VAV2: variants seen among roughly 807,000 people sequenced by gnomAD.
VAV2 encodes guanine nucleotide exchange factor VAV2.
In VAV2, 67 loss-of-function variants were observed where a neutral mutation model predicts 132.5. That is an observed-to-expected ratio of 0.51 (90% CI 0.42 to 0.62). VAV2 has a LOEUF of 0.62. Ranked by LOEUF, VAV2 falls within the 20% of genes least tolerant of loss-of-function variation. The probability of loss-of-function intolerance (pLI) is 0.00; values close to 1 mark genes in which losing one functional copy is unlikely to be tolerated. For synonymous variants in VAV2, 492 were observed against 443.5 expected, an observed-to-expected ratio of 1.11 and a Z score of -1.37; for missense variants, 938 against 1,153.6, an observed-to-expected ratio of 0.81 and a Z score of 2.71.
chr9:133,937,501 C>A (rs13284678), intron 2 of VAV2, among the ~76,000 whole-genome samples: 3 of 19,048 alleles, frequency 1.6e-4, no homozygotes, highest in Non-Finnish European at 4.8e-4. Context: ...AGAGTGTGTG[C>A]GTGTGAGTGT....
Position 133,783,597 on chromosome 9 carries a change from C to T in VAV2, c.1635-6G>A. 1 of 1,613,858 alleles carries T rather than the reference C, an allele frequency of 6.2e-7. No individual in the cohort carries two copies. Among genetic ancestry groups the T allele is most frequent in the African/African-American group, 1.3e-5 (1 of 75,006 alleles). ...ATCCCTGGTAGAAGGTGCCCCTGCACAGGGGAGGGCAGGAGGTGAGGTCGA... is the reference window on the plus strand; with the variant it reads ...ATCCCTGGTAGAAGGTGCCCCTGCATAGGGGAGGGCAGGAGGTGAGGTCGA... On this transcript the variant is annotated splice_region_variant and splice_polypyrimidine_tract_variant and intron_variant, in intron 18 of 29. Transcript: ENST00000371850.
In VAV2 at chr9:133,768,433, G is replaced by T. The variant is rs112576600; in HGVS notation, c.2589+9C>A. 7.3e-4 allele frequency: 1,169 copies of T among 1,611,446 alleles called. 12 individuals carry two copies. In the African/African-American group the frequency reaches 0.015, roughly 20 times the overall value. On this transcript the variant is annotated intron_variant, in intron 29 of 29. Transcript: ENST00000371850. This position sits in a 1 kb window ranked among gnomAD's most constrained non-coding sequence, Gnocchi z 5.3. ...GCCAGCCCCACACCCTCAGGGTGGG[G>T]CCACTCACCCGTCCGTTGGTCTCGC...
chr9:133,817,750 TC>T (rs1835618133), intron 4 of VAV2, among the ~76,000 whole-genome samples: 1 of 152,258 alleles, frequency 6.6e-6, no homozygotes, highest in Admixed American at 6.5e-5. Context: ...ATCGTGCTTT[TC>T]AGTTTTAGCA....
At chr9:133,956,473 G>A (rs900467452) in intron 1 of VAV2, among the ~76,000 whole-genome samples, 8 of 152,204 alleles carry the variant, frequency 5.3e-5, no homozygotes, top group East Asian at 1.9e-4. Context: ...GTTTTGTTTC[G>A]TTTTGTTTTT....
intron 2 of VAV2, among the ~76,000 whole-genome samples, chr9:133,877,308 T>C (rs886415493): frequency 6.6e-6 from 1 of 152,116 alleles, no homozygotes; most frequent in African/African-American, 2.4e-5. Flanking sequence ...CCCACAAAGC[T>C]GGGACCCACA....
At chr9:133,782,731 A>T (rs1223981608) in intron 19 of VAV2, among the ~76,000 whole-genome samples, 1 of 152,204 alleles carries the variant, frequency 6.6e-6, no homozygotes, top group East Asian at 1.9e-4. Context: ...GTTGAATAGA[A>T]GCTCTGCTAA....
intron 1 of VAV2, among the ~76,000 whole-genome samples, chr9:133,982,066 T>C (rs1207194364): frequency 6.6e-6 from 1 of 152,200 alleles, no homozygotes; most frequent in African/African-American, 2.4e-5. Context: ...CCAAGAGCCC[T>C]TGTCAGGGGA....
chr9:133,904,184 G>A (rs1416693096), intron 2 of VAV2, among the ~76,000 whole-genome samples: 2 of 152,286 alleles, frequency 1.3e-5, no homozygotes, highest in African/African-American at 2.4e-5. Context: ...CAGCCCAAGC[G>A]CCAGGCTCTC....
intron 2 of VAV2, among the ~76,000 whole-genome samples, chr9:133,866,867 G>A (rs899083109): frequency 6.6e-6 from 1 of 151,944 alleles, no homozygotes; most frequent in African/African-American, 2.4e-5. Flanking sequence ...ATGATGGGGT[G>A]GTGTCTGTTT....
chr9:133,875,105 C>T (rs1377093817), intron 2 of VAV2, among the ~76,000 whole-genome samples: 2 of 152,218 alleles, frequency 1.3e-5, no homozygotes, highest in Admixed American at 6.5e-5. Flanking sequence ...CCAGACTGAG[C>T]GCTTCACGGG....
At chr9:133,811,486 G>A (rs1320899312) in intron 5 of VAV2, among the ~76,000 whole-genome samples, 3 of 152,204 alleles carry the variant, frequency 2.0e-5, no homozygotes, top group South Asian at 2.1e-4. Flanking sequence ...GGGTCTGAGG[G>A]CCTGTGACCT....
At position 133,912,162 on chromosome 9, in the gene VAV2, C is replaced by CTTAGA; in HGVS notation, c.321+26936_321+26940dup. 3.3e-5 allele frequency among the ~76,000 whole-genome samples: 5 copies of CTTAGA among 152,298 alleles called. No homozygotes were observed. The Middle Eastern group carries it at 0.017, about 518-fold the overall frequency. On this transcript the variant is annotated intron_variant, in intron 2 of 29. Coordinates refer to ENST00000371850, the MANE Select transcript of VAV2 (RefSeq NM_001134398.2). This position sits in a 1 kb window ranked among gnomAD's most constrained non-coding sequence, Gnocchi z 4.3. ...ACAGCCACCAGCTCCCGCTGGTGAA[C>CTTAGA]TTAGATCAGCTGCGGCTACAGTCCC...
At chr9:133,899,090 G>A (rs1014982790) in intron 2 of VAV2, among the ~76,000 whole-genome samples, 1 of 151,956 alleles carries the variant, frequency 6.6e-6, no homozygotes, top group Non-Finnish European at 1.5e-5. Flanking sequence ...CAAAGTGCTG[G>A]GATTACAGGC....
rs921910076 is a variant in VAV2 at position 133,961,651 on chromosome 9, G to A, written c.205-22432C>T. Among the ~76,000 whole-genome samples the A allele has an allele frequency of 3.9e-5, 6 of 152,210 alleles. No individual in the cohort carries two copies. The highest frequency in any genetic ancestry group is 3.3e-4 in the Admixed American group (5 of 15,282). Reference sequence around the variant, plus strand: ...CCAGGTGCTCCAGTCCCCAGAGCACGCATAAGCCTCAGCCAGTTTTACTTC... The same window carrying A: ...CCAGGTGCTCCAGTCCCCAGAGCACACATAAGCCTCAGCCAGTTTTACTTC... On this transcript the variant is annotated intron_variant, in intron 1 of 29. Transcript: ENST00000371850. This position sits in a 1 kb window ranked among gnomAD's most constrained non-coding sequence, Gnocchi z 4.1.
chr9:133,946,701 T>C (rs73662349), intron 1 of VAV2, among the ~76,000 whole-genome samples: 5,501 of 152,330 alleles, frequency 0.036, 327 homozygotes, highest in African/African-American at 0.13. Context: ...CAGCTGAGGA[T>C]GTCTTTGATC....
rs1202606403 is a variant in VAV2, at chr9:133,772,049, G to A, written c.2136-3C>T. ...TGTGCTTCACCTCATCATTGAACCT[G>A]AGCAAACACACGGCCCCGGCGGTCA... On this transcript the variant is annotated splice_polypyrimidine_tract_variant and splice_region_variant and intron_variant, in intron 25 of 29. Transcript: ENST00000371850. The A allele has an allele frequency of 6.4e-6, 7 of 1,100,494 alleles. No homozygotes were observed. Among genetic ancestry groups the A allele is most frequent in the Non-Finnish European group, 2.5e-6 (2 of 800,400 alleles). The allele number at this position is 1,100,494 out of a possible 1,614,324, so 68.2% of individuals were successfully genotyped here.
intron 1 of VAV2, among the ~76,000 whole-genome samples, chr9:133,988,806 G>A (rs370441003): frequency 1.3e-5 from 2 of 152,118 alleles, no homozygotes; most frequent in South Asian, 2.1e-4. Context: ...TGTGGCTCAC[G>A]CCTGTAATCC....
chr9:133,897,289 T>C (rs1021442823), intron 2 of VAV2, among the ~76,000 whole-genome samples: 1 of 152,076 alleles, frequency 6.6e-6, no homozygotes, highest in Non-Finnish European at 1.5e-5. Flanking sequence ...GGCAGAGGCG[T>C]CCAGGCGGGT....
chr9:133,967,195 C>CA (rs1434331883), intron 1 of VAV2, among the ~76,000 whole-genome samples: 1 of 152,002 alleles, frequency 6.6e-6, no homozygotes, highest in Non-Finnish European at 1.5e-5. Context: ...GAATGCAAGC[C>CA]AAAACCACAA....
Sources: gnomAD v4.1 joint callset for allele counts (sites outside exome capture counted in the v4.1 genomes callset) on GRCh38, gnomAD v4.1.1 for gene constraint, Gnocchi (gnomAD v3.1) non-coding constraint, MANE v1.5 for transcripts, NCBI Gene and HGNC (gene_info 2026-07-23, HGNC 2026-07-21) for gene names.